Variants in DPY30 observed in about 807,000 individuals in gnomAD.
The protein encoded by DPY30 is protein dpy-30 homolog.
In DPY30, 6 loss-of-function variants were observed where a neutral mutation model predicts 16.2. The observed-to-expected ratio is 0.37, with a 90% CI of 0.20 to 0.73. The LOEUF (loss-of-function observed/expected upper bound fraction) is 0.73. DPY30 is among the 30% of genes least tolerant of loss of function. The pLI is 0.51. For missense variants in DPY30, 73 were observed against 113.1 expected, an observed-to-expected ratio of 0.65 and a Z score of 1.61; for synonymous variants, 39 against 38.8, an observed-to-expected ratio of 1.00 and a Z score of -0.02.
downstream of DPY30, chr2:32,021,244 C>T (rs189589671): frequency 3.2e-3 from 486 of 152,204 alleles, 1 homozygote; most frequent in Non-Finnish European, 4.9e-3. Context: ...GGCGACAGAG[C>T]GAGACTCCGT....
intron 3 of DPY30, among the ~76,000 whole-genome samples, chr2:32,031,173 A>G (rs1165600168): frequency 6.6e-6 from 1 of 152,130 alleles, no homozygotes. Context: ...CTGTAAACCC[A>G]GCACTTTCGG....
downstream of DPY30, among the ~76,000 whole-genome samples, chr2:32,022,507 T>C (rs965397267): frequency 1.5e-5 from 2 of 133,564 alleles, no homozygotes; most frequent in Non-Finnish European, 3.2e-5. Context: ...TATGTATTTA[T>C]GTATTTTTTT....
downstream of DPY30, chr2:32,020,899 G>C (rs1439365532): frequency 6.6e-6 from 1 of 151,970 alleles, no homozygotes; most frequent in Non-Finnish European, 1.5e-5. Context: ...GGAGGCCAAG[G>C]CAGCAGGATC....
At chr2:32,033,034 G>T (rs1675600199) in intron 3 of DPY30, among the ~76,000 whole-genome samples, 2 of 151,498 alleles carry the variant, frequency 1.3e-5, no homozygotes, top group South Asian at 4.2e-4. Context: ...TTTTTGGCAG[G>T]GCGCGGTGGC....
chr2:32,024,137 A>C lies in DPY30; in HGVS notation c.*47T>G. On this transcript the variant is annotated 3_prime_UTR_variant, in exon 5 of 5. Coordinates refer to ENST00000342166, the MANE Select transcript of DPY30 (RefSeq NM_001321209.2). The stretch of plus-strand genomic sequence containing the variant: ...TGGCAATTAAAGCTGCCTCTTAATC[A>C]TGTAAATCTACAGTAGCAACTAAAT... The C allele has an allele frequency of 2.5e-6, 4 of 1,591,238 alleles. No homozygotes were observed. Among genetic ancestry groups the C allele is most frequent in the Non-Finnish European group, 2.6e-6 (3 of 1,168,124 alleles).
At chr2:32,038,583 T>C (rs1675842345) in intron 3 of DPY30, among the ~76,000 whole-genome samples, 1 of 151,742 alleles carries the variant, frequency 6.6e-6, no homozygotes, top group Non-Finnish European at 1.5e-5. Context: ...ATTTATTAAA[T>C]GTTGACTCCA....
chr2:32,036,500 T>C (rs185415270), intron 3 of DPY30, among the ~76,000 whole-genome samples: 6,605 of 151,794 alleles, frequency 0.044, 258 homozygotes, highest in Admixed American at 0.12. Flanking sequence ...TGAAACCCCG[T>C]CTCTACTAAA....
chr2:32,038,900 G>A (rs1235078506), intron 3 of DPY30, among the ~76,000 whole-genome samples: 1 of 152,130 alleles, frequency 6.6e-6, no homozygotes, highest in East Asian at 1.9e-4. Flanking sequence ...CGCCAGCCTT[G>A]GCCTCCCAAA....
At chr2:32,031,515 T>C (rs1675539434) in intron 3 of DPY30, among the ~76,000 whole-genome samples, 1 of 152,070 alleles carries the variant, frequency 6.6e-6, no homozygotes, top group Admixed American at 6.6e-5. Context: ...GAAAATCACT[T>C]GTACCTGGGA....
downstream of DPY30, among the ~76,000 whole-genome samples, chr2:32,022,386 T>C (rs1675205053): frequency 6.6e-6 from 1 of 152,162 alleles, no homozygotes; most frequent in African/African-American, 2.4e-5. Flanking sequence ...TATTCAAATA[T>C]GTAGATTTGC....
At chr2:32,031,101 G>A (rs547816782) in intron 3 of DPY30, among the ~76,000 whole-genome samples, 1 of 152,014 alleles carries the variant, frequency 6.6e-6, no homozygotes, top group African/African-American at 2.4e-5. Context: ...TGCCTCCATC[G>A]CACTCACATT....
intron 3 of DPY30, among the ~76,000 whole-genome samples, chr2:32,031,315 G>C (rs912251920): frequency 6.6e-6 from 1 of 151,960 alleles, no homozygotes; most frequent in Non-Finnish European, 1.5e-5. Context: ...AGCTACTCGG[G>C]AGGCTGAGGC....
chr2:32,038,411 G>GT (rs1409493546), intron 3 of DPY30, among the ~76,000 whole-genome samples: 1 of 69,680 alleles, frequency 1.4e-5, no homozygotes, highest in Non-Finnish European at 2.6e-5. Flanking sequence ...TTATTTTGAG[G>GT]GGGGGGGGGG....
At chr2:32,022,209 C>CAA (rs200317417), downstream of DPY30, among the ~76,000 whole-genome samples, 6 of 64,350 alleles carry the variant, frequency 9.3e-5, no homozygotes, top group Admixed American at 1.8e-4. Flanking sequence ...GACCTTGTCT[C>CAA]AAAAAAAAAA....
intron 3 of DPY30, among the ~76,000 whole-genome samples, chr2:32,033,396 G>T (rs532296937): frequency 6.6e-6 from 1 of 152,194 alleles, no homozygotes; most frequent in African/African-American, 2.4e-5. Context: ...AATGTGGCCG[G>T]GCATGGTGGC....
At chr2:32,038,773 G>A (rs191676736) in intron 3 of DPY30, among the ~76,000 whole-genome samples, 1 of 144,066 alleles carries the variant, frequency 6.9e-6, no homozygotes, top group African/African-American at 2.6e-5. Context: ...TCAGCCACCC[G>A]AACAGATAGG....
rs572098437 is a variant in DPY30 at position 32,031,693 on chromosome 2, G to C, written c.85-1957C>G. On this transcript the variant is annotated intron_variant, in intron 3 of 4. Transcript: ENST00000342166. ...GCGGATCATGCAGTCAGGAGTTCGA[G>C]ACCAGCCTGACCAACATGGTGGAAC... Among the ~76,000 whole-genome samples the C allele has an allele frequency of 2.0e-5, 3 of 152,106 alleles. No individual in the cohort carries two copies. The South Asian group carries it at 6.2e-4, about 32-fold the overall frequency.
At chr2:32,017,615 C>CAAAAAAAAAAAA (rs59826181) in intron 5 of DPY30, among the ~76,000 whole-genome samples, 1 of 134,274 alleles carries the variant, frequency 7.4e-6, no homozygotes, top group African/African-American at 2.8e-5. Flanking sequence ...AACACCATCT[C>CAAAAAAAAAAAA]AAAAAAAAAA....
downstream of DPY30, among the ~76,000 whole-genome samples, chr2:32,022,069 G>C (rs910411347): frequency 2.0e-5 from 3 of 152,040 alleles, no homozygotes; most frequent in Non-Finnish European, 2.9e-5. Flanking sequence ...AATTCGCTGG[G>C]GACAGTGGCA....
Sources: gnomAD v4.1 joint callset for allele counts (sites outside exome capture counted in the v4.1 genomes callset) on GRCh38, gnomAD v4.1.1 for gene constraint, MANE v1.5 for transcripts, NCBI Gene and HGNC (gene_info 2026-07-23, HGNC 2026-07-21) for gene names.